Variants in NARF observed in about 807,000 individuals in gnomAD.
NARF encodes the protein nuclear prelamin A recognition factor.
In NARF, 41 loss-of-function variants were observed where a neutral mutation model predicts 48.0. That is an observed-to-expected ratio of 0.85 (90% CI 0.66 to 1.11). The LOEUF is 1.11. Ranked by LOEUF, NARF falls within the 50% of genes least tolerant of loss-of-function variation. NARF has a pLI of 0.00. For missense variants in NARF, 613 were observed against 590.2 expected, an observed-to-expected ratio of 1.04 and a Z score of -0.40; for synonymous variants, 215 against 225.5, an observed-to-expected ratio of 0.95 and a Z score of 0.42.
intron 10 of NARF, 144 bp downstream of exon 10, chr17:82,485,798 T>A (rs1013645401): frequency 3.3e-6 from 3 of 906,320 alleles, no homozygotes; most frequent in Admixed American, 2.8e-5. Flanking sequence ...GATGCTCCCG[T>A]GGGGCTTGTG....
rs192234751 is a variant in NARF, at chr17:82,489,709, A to C, written c.*1552A>C. On this transcript the variant is annotated 3_prime_UTR_variant, in exon 11 of 11. Transcript: ENST00000309794. ...GCACTGTGGGCATGAGCTTGCCTTA[A>C]AAAGAAAGGAGAGGCCAGGCACGGT... is the stretch of plus-strand genomic sequence containing the variant. The C allele has an allele frequency of 2.0e-5, 3 of 152,298 alleles. No homozygotes were observed. Among genetic ancestry groups the C allele is most frequent in the Non-Finnish European group, 4.4e-5 (3 of 68,118 alleles). The allele number at this position is 152,298 out of a possible 1,614,324, so 9.4% of individuals were successfully genotyped here.
chr17:82,470,885 G>A (rs937788508), intron 4 of NARF, among the ~76,000 whole-genome samples: 4 of 152,016 alleles, frequency 2.6e-5, no homozygotes, highest in South Asian at 2.1e-4. Flanking sequence ...AAATCAGGCC[G>A]GGTGTGGTGG....
chr17:82,476,281 A>G (rs181022451), intron 5 of NARF, among the ~76,000 whole-genome samples: 6 of 152,242 alleles, frequency 3.9e-5, no homozygotes, highest in Admixed American at 3.9e-4. Flanking sequence ...TGCTGGGATT[A>G]CAGGCACTTG....
At chr17:82,487,721 G>A (rs1316986459) in intron 10 of NARF, among the ~76,000 whole-genome samples, 195 bp from the exon 11 acceptor site, 1 of 152,198 alleles carries the variant, frequency 6.6e-6, no homozygotes, top group Non-Finnish European at 1.5e-5. Context: ...CTCGAAGTAG[G>A]ATTGCCGCTT....
At chr17:82,483,605 T>C (rs1344174374) in intron 7 of NARF, 111 bp from the exon 8 acceptor site, 1 of 937,512 alleles carries the variant, frequency 1.1e-6, no homozygotes, top group Non-Finnish European at 1.7e-6. Flanking sequence ...GTGATGGAGA[T>C]TTCATAAGAG....
chr17:82,485,760 C>T, intron 10 of NARF, 106 bp downstream of exon 10: 1 of 1,346,412 alleles, frequency 7.4e-7, no homozygotes. Flanking sequence ...CAGAGCCTCT[C>T]TCAGCCCTGA....
At chr17:82,487,844 C>G (rs1177069671) in intron 10 of NARF, 72 bp from the exon 11 acceptor site, 6 of 1,370,678 alleles carry the variant, frequency 4.4e-6, no homozygotes, top group African/African-American at 3.0e-5. Context: ...GTCTGTAGTT[C>G]TAGCTGCTCA....
At chr17:82,480,283 G>C (rs573851983) in intron 6 of NARF, 13 of 339,072 alleles carry the variant, frequency 3.8e-5, no homozygotes, top group African/African-American at 2.7e-4. Context: ...GAAGTAGCCA[G>C]CGCGCGCACA....
intron 4 of NARF, among the ~76,000 whole-genome samples, chr17:82,469,724 G>A (rs879456531): frequency 6.6e-6 from 1 of 152,072 alleles, no homozygotes; most frequent in Non-Finnish European, 1.5e-5. Context: ...TCCTGCCTCA[G>A]CCTCCCAAGT....
chr17:82,484,220 G>A (rs111505519), intron 8 of NARF: 10 of 162,452 alleles, frequency 6.2e-5, no homozygotes, highest in Non-Finnish European at 1.1e-4. Context: ...CGGTGACCTC[G>A]ATACCCAGCA....
At position 82,484,817 on chromosome 17, in the gene NARF, G is replaced by A. The variant is rs766773794; in HGVS notation, c.838G>A (p.Gly280Arg). 6.2e-7 allele frequency: 1 copy of A among 1,601,472 alleles called. No individual in the cohort carries two copies. Among genetic ancestry groups the A allele is most frequent in the Non-Finnish European group, 8.5e-7 (1 of 1,173,594 alleles). The change falls in exon 9 of 11, where the codon GGA becomes AGA. Residue 280 changes from glycine (G) to arginine (R), a missense_variant. Coordinates refer to ENST00000309794, the MANE Select transcript of NARF (RefSeq NM_012336.4). ...VRDAAVDTLF[G>R]DLKEDKVTRH... is the part of the protein sequence containing the mutation. ...GTATTTTCTCTGCCTTGTGAGGTTT[G>A]GAGACTTGAAGGAGGACAAAGTGAC... is the stretch of plus-strand genomic sequence containing the variant.
rs770377640 is a variant in NARF, at chr17:82,468,913, TA to T, written c.385+20del. 1 of 1,612,712 alleles carries T rather than the reference TA, an allele frequency of 6.2e-7. No homozygotes were observed. Among genetic ancestry groups the T allele is most frequent in the Non-Finnish European group, 8.5e-7 (1 of 1,179,432 alleles). Reference sequence around the variant, plus strand: ...AAAGTCTTGGTGAGTCATCTTTTGATAAATTGGGAATGTATAACTTGAGTTT... The same window carrying T: ...AAAGTCTTGGTGAGTCATCTTTTGATAATTGGGAATGTATAACTTGAGTTT... On this transcript the variant is annotated intron_variant, in intron 4 of 10. Coordinates refer to ENST00000309794, the MANE Select transcript of NARF (RefSeq NM_012336.4).
In NARF at chr17:82,485,541, T is replaced by C; in HGVS notation, c.1016T>C (p.Val339Ala). ...GTCACCCTTGAGAAGAACGGAGAGGTGGTGTTACGCTTTGCTGCAGCCTAT... is the reference window on the plus strand; with the variant it reads ...GTCACCCTTGAGAAGAACGGAGAGGCGGTGTTACGCTTTGCTGCAGCCTAT... The part of the protein sequence containing the change: ...QEVTLEKNGE[V>A]VLRFAAAYGF... Residue 339 changes from valine (V) to alanine (A), a missense_variant, in exon 10 of 11, where the codon GTG becomes GCG. Transcript: ENST00000309794. 5 of 1,613,910 alleles carry C rather than the reference T, an allele frequency of 3.1e-6. No homozygotes were observed. The highest frequency in any genetic ancestry group is 4.2e-6 in the Non-Finnish European group (5 of 1,179,984).
Position 82,478,786 on chromosome 17 carries a change from C to T in NARF, c.521-14C>T, listed in dbSNP as rs1420752176. 1 of 1,610,510 alleles carries T rather than the reference C, an allele frequency of 6.2e-7. No homozygotes were observed. The highest frequency in any genetic ancestry group is 8.5e-7 in the Non-Finnish European group (1 of 1,177,534). On this transcript the variant is annotated splice_polypyrimidine_tract_variant and intron_variant, in intron 5 of 10. Transcript: ENST00000309794. ...AGCAGTAAGGAGCTGACCGTGGATCCCTTCTCTCCCCAGGCTGGGTCCGAT... is the reference window on the plus strand; with the variant it reads ...AGCAGTAAGGAGCTGACCGTGGATCTCTTCTCTCCCCAGGCTGGGTCCGAT...
In NARF at chr17:82,478,842, C is replaced by T; in HGVS notation, c.563C>T (p.Thr188Ile). Residue 188 changes from threonine (T) to isoleucine (I), a missense_variant, in exon 6 of 11, where the codon ACT (threonine) becomes ATT (isoleucine). By Grantham distance (89) the Thr-to-Ile change is moderately conservative (BLOSUM62 -1). Coordinates refer to ENST00000309794, the MANE Select transcript of NARF (RefSeq NM_012336.4). ...YAERVLGRPI[T>I]AHLCTAKSPQ... is the part of the protein sequence containing the mutation. ...GAGCGGGTGCTGGGTCGCCCCATCA[C>T]TGCCCACCTCTGCACCGCCAAGTCC... is the stretch of plus-strand genomic sequence containing the variant. 6.2e-7 allele frequency: 1 copy of T among 1,614,098 alleles called. No homozygotes were observed. The highest frequency in any genetic ancestry group is 2.2e-5 in the East Asian group (1 of 44,884).
Position 82,481,115 on chromosome 17 carries a change from G to C in NARF, c.673G>C (p.Val225Leu). The change falls in exon 7 of 11, where the codon GTG becomes CTG. Residue 225 changes from valine to leucine, a missense_variant. Val to Leu is a conservative substitution (Grantham distance 32, BLOSUM62 1). Transcript: ENST00000309794. ...TCCAGAGAAGATTTTCCACGTCATT[G>C]TGGCCCCTTGTTATGACAAGAAGCT... is the stretch of plus-strand genomic sequence containing the variant. ...LSPEKIFHVI[V>L]APCYDKKLEA... 3 of 1,614,052 alleles carry C rather than the reference G, an allele frequency of 1.9e-6. No homozygotes were observed. Among genetic ancestry groups the C allele is most frequent in the African/African-American group, 1.3e-5 (1 of 75,004 alleles).
Position 82,485,617 on chromosome 17 carries a change from C to G in NARF, c.1092C>G (p.Phe364Leu), listed in dbSNP as rs375499860. Reference sequence around the variant, plus strand: ...TCCTGAAGCTTAAGAAGGGCAAGTTCCCATTCCACTTTGTGGAGGTCCTCG... The same window carrying G: ...TCCTGAAGCTTAAGAAGGGCAAGTTGCCATTCCACTTTGTGGAGGTCCTCG... ...NMILKLKKGK[F>L]PFHFVEVLAC... Residue 364 changes from phenylalanine (F) to leucine (L), a missense_variant, in exon 10 of 11, where the codon TTC becomes TTG. Physicochemically the swap from Phe to Leu is conservative, Grantham distance 22 (BLOSUM62 0). Transcript: ENST00000309794. The G allele has an allele frequency of 2.5e-6, 4 of 1,614,170 alleles. No homozygotes were observed. The highest frequency in any genetic ancestry group is 3.4e-6 in the Non-Finnish European group (4 of 1,180,042).
intron 3 of NARF, among the ~76,000 whole-genome samples, chr17:82,467,327 A>G (rs909458636): frequency 6.6e-6 from 1 of 152,150 alleles, no homozygotes; most frequent in African/African-American, 2.4e-5. Context: ...GATTATAGGC[A>G]TGAGCCACCA....
chr17:82,465,661 C>T (rs1473764658), intron 3 of NARF, among the ~76,000 whole-genome samples: 1 of 152,132 alleles, frequency 6.6e-6, no homozygotes, highest in Admixed American at 6.5e-5. Context: ...TGGTGATCCT[C>T]CCACCTCTGG....
Sources: allele counts gnomAD v4.1 joint callset (sites outside exome capture counted in the v4.1 genomes callset), GRCh38; gene constraint gnomAD v4.1.1; transcripts MANE v1.5; gene names NCBI Gene and HGNC (gene_info 2026-07-23, HGNC 2026-07-21).